The following WWP2 variants were observed in gnomAD, a reference collection of about 807,000 sequenced individuals.
WWP2 encodes the protein NEDD4-like E3 ubiquitin-protein ligase WWP2.
A neutral mutation model predicts 121.0 loss-of-function variants in WWP2; 57 were observed. The ratio of observed to expected loss-of-function variants is 0.47; its 90% CI spans 0.38 to 0.59. WWP2 has a LOEUF of 0.59. Ranked by LOEUF, WWP2 falls within the 20% of genes least tolerant of loss-of-function variation. WWP2 has a pLI of 0.00. For missense variants in WWP2, 962 were observed against 1,158.9 expected (o/e 0.83, Z 2.47); for synonymous variants, 449 against 441.3 (o/e 1.02, Z -0.22).
chr16:69,896,557 C>T (rs72785064), intron 8 of WWP2, among the ~76,000 whole-genome samples: 7,874 of 152,124 alleles, frequency 0.052, 270 homozygotes, highest in Middle Eastern at 0.11. Flanking sequence ...ATATCACATT[C>T]TCAGTGGCCC....
chr16:69,776,714 G>C (rs1179473931), intron 1 of WWP2, among the ~76,000 whole-genome samples: 24 of 152,096 alleles, frequency 1.6e-4, no homozygotes, highest in Admixed American at 1.6e-3. Context: ...TGTAATCCCA[G>C]CTACTCTGGA....
intron 10 of WWP2, 74 bp downstream of exon 10, chr16:69,917,957 G>A (rs2058501082): frequency 6.5e-7 from 1 of 1,539,552 alleles, no homozygotes; most frequent in South Asian, 1.2e-5. Flanking sequence ...CGTGTTCTCT[G>A]TTGACCTGCT....
intron 7 of WWP2, among the ~76,000 whole-genome samples, chr16:69,887,460 C>T (rs945052784): frequency 6.6e-5 from 10 of 152,196 alleles, no homozygotes; most frequent in African/African-American, 1.9e-4. Flanking sequence ...GGCTGGAGTG[C>T]AGTGGCATAG....
At chr16:69,883,613 G>A (rs996605646) in intron 7 of WWP2, among the ~76,000 whole-genome samples, 1 of 152,090 alleles carries the variant, frequency 6.6e-6, no homozygotes, top group Admixed American at 6.6e-5. Flanking sequence ...GGATGTGCAG[G>A]TTTGTTACAT....
At chr16:69,776,489 T>C (rs1218216226) in intron 1 of WWP2, among the ~76,000 whole-genome samples, 2 of 152,214 alleles carry the variant, frequency 1.3e-5, no homozygotes, top group Admixed American at 1.3e-4. Flanking sequence ...ATGCCTCTTA[T>C]CTAAGCTCTA....
At chr16:69,927,946 T>C (rs1266451016) in intron 11 of WWP2, among the ~76,000 whole-genome samples, 2 of 152,218 alleles carry the variant, frequency 1.3e-5, no homozygotes, top group Non-Finnish European at 2.9e-5. Context: ...ACAGGCGTGA[T>C]CCACCGTGCC....
intron 10 of WWP2, among the ~76,000 whole-genome samples, chr16:69,922,888 C>T (rs1296297141): frequency 2.0e-5 from 3 of 148,044 alleles, no homozygotes; most frequent in Non-Finnish European, 4.4e-5. Context: ...TGGTTTTTGC[C>T]ACGACTCTTT....
intron 6 of WWP2, among the ~76,000 whole-genome samples, chr16:69,858,650 C>T (rs375590054): frequency 2.0e-5 from 3 of 151,922 alleles, no homozygotes; most frequent in Admixed American, 2.0e-4. Context: ...TGCTTTTCAC[C>T]GACTGTTCTT....
At chr16:69,819,773 G>C (rs1022282445) in intron 4 of WWP2, among the ~76,000 whole-genome samples, 6 of 152,164 alleles carry the variant, frequency 3.9e-5, no homozygotes, top group Non-Finnish European at 2.9e-5. Flanking sequence ...TTAATTCAGT[G>C]ATTTAAAAAA....
At chr16:69,874,423 A>T (rs1470147347) in intron 7 of WWP2, among the ~76,000 whole-genome samples, 2 of 152,192 alleles carry the variant, frequency 1.3e-5, no homozygotes, top group Admixed American at 6.5e-5. Flanking sequence ...AAGAGTTTCC[A>T]CAGACTTGCG....
chr16:69,900,350 G>A (rs868610712), intron 8 of WWP2, among the ~76,000 whole-genome samples: 1 of 152,148 alleles, frequency 6.6e-6, no homozygotes, highest in African/African-American at 2.4e-5. Flanking sequence ...TTTAGAGGCT[G>A]GGTGCAGTGG....
intron 4 of WWP2, among the ~76,000 whole-genome samples, chr16:69,812,045 T>C (rs939859244): frequency 6.6e-6 from 1 of 152,118 alleles, no homozygotes; most frequent in African/African-American, 2.4e-5. Context: ...GTCCAGGACC[T>C]CATGCAAGAT....
At chr16:69,791,935 G>A (rs1412429972) in intron 2 of WWP2, among the ~76,000 whole-genome samples, 1 of 150,492 alleles carries the variant, frequency 6.6e-6, no homozygotes, top group Non-Finnish European at 1.5e-5. Flanking sequence ...TCTTACCAGG[G>A]TGGAAAGAGC....
chr16:69,798,723 A>G lies in WWP2; in HGVS notation c.112A>G (p.Ile38Val), dbSNP rs892638537. The change falls in exon 3 of 24, where the codon ATT becomes GTT. Residue 38 changes from isoleucine (I) to valine (V), a missense_variant. Ile to Val is a conservative substitution (Grantham distance 29). Coordinates refer to ENST00000359154, the MANE Select transcript of WWP2 (RefSeq NM_001270454.2). The stretch of plus-strand genomic sequence containing the variant: ...CAAGGTGCATAATCGTCAACCTCGA[A>G]TTAACTCCTACGTGGAGGTGGCGGT... ...KPKVHNRQPRINSYVEVAVDG... is the reference protein window; with the variant it reads ...KPKVHNRQPRVNSYVEVAVDG... The G allele has an allele frequency of 8.1e-6, 13 of 1,613,986 alleles. No individual in the cohort carries two copies. In the Admixed American group the frequency reaches 1.2e-4, roughly 14 times the overall value.
At chr16:69,784,796 A>G (rs1210301876) in intron 1 of WWP2, among the ~76,000 whole-genome samples, 3 of 152,208 alleles carry the variant, frequency 2.0e-5, no homozygotes, top group African/African-American at 7.2e-5. Context: ...ATTTTTACTT[A>G]AACATCTAAC....
At chr16:69,862,957 G>A (rs952435939) in intron 6 of WWP2, among the ~76,000 whole-genome samples, 1 of 151,770 alleles carries the variant, frequency 6.6e-6, no homozygotes, top group African/African-American at 2.4e-5. Context: ...GCACTCTTGG[G>A]CTCAAGCAGT....
At chr16:69,780,189 C>A (rs907898881) in intron 1 of WWP2, among the ~76,000 whole-genome samples, 1 of 151,178 alleles carries the variant, frequency 6.6e-6, no homozygotes, top group Non-Finnish European at 1.5e-5. Flanking sequence ...ACAACAACAA[C>A]GTATACAGTT....
chr16:69,923,927 C>G (rs573708489), intron 10 of WWP2, among the ~76,000 whole-genome samples: 1 of 151,824 alleles, frequency 6.6e-6, no homozygotes, highest in Admixed American at 6.6e-5. Context: ...CACAGACACA[C>G]GCCCCCATGA....
intron 2 of WWP2, among the ~76,000 whole-genome samples, chr16:69,796,397 A>G (rs1019163806): frequency 6.6e-6 from 1 of 152,202 alleles, no homozygotes; most frequent in Non-Finnish European, 1.5e-5. Flanking sequence ...AAATGTGCTC[A>G]GGACACTTCG....
Sources: allele counts gnomAD v4.1 joint callset (sites outside exome capture counted in the v4.1 genomes callset), GRCh38; gene constraint gnomAD v4.1.1; transcripts MANE v1.5; gene names NCBI Gene and HGNC (gene_info 2026-07-23, HGNC 2026-07-21).